The following FBXO34 variants were observed in gnomAD, a reference collection of about 807,000 sequenced individuals.
FBXO34 encodes F-box protein 34.
In FBXO34, 12 loss-of-function variants were observed where a neutral mutation model predicts 24.5. That is an observed-to-expected ratio of 0.49 (90% confidence interval 0.31 to 0.79). The LOEUF is 0.79. Among genes scored for constraint, FBXO34 ranks in the 30% least tolerant of loss-of-function variants. FBXO34 has a pLI of 0.04. For synonymous variants in FBXO34, 320 were observed against 311.9 expected (o/e 1.03, Z -0.27); for missense variants, 823 against 857.7 (o/e 0.96, Z 0.51).
chr14:55,299,318 TCTCA>T (rs1882259533), intron 1 of FBXO34: 28 of 538,466 alleles, frequency 5.2e-5, no homozygotes, highest in South Asian at 4.6e-4. Context: ...CGCTCTCGAC[TCTCA>T]CTCCAAAGCA....
At chr14:55,377,029 G>A in the FBXO34 span, among the ~76,000 whole-genome samples, 1 of 152,258 alleles carries the variant, frequency 6.6e-6, no homozygotes, top group Admixed American at 6.5e-5. Context: ...TCCAACAAAT[G>A]GTGATCAGAT....
At chr14:55,361,245 TCTC>T (rs1412366354) in intron 3 of FBXO34, among the ~76,000 whole-genome samples, 1 of 152,226 alleles carries the variant, frequency 6.6e-6, no homozygotes, top group Admixed American at 6.5e-5. Context: ...AAAACATTAA[TCTC>T]CTTGTATATC....
chr14:55,426,631 G>A, the FBXO34 span, among the ~76,000 whole-genome samples: 8 of 151,870 alleles, frequency 5.3e-5, no homozygotes, highest in South Asian at 2.1e-4. Context: ...GCTGACAGCC[G>A]AATGGAGAGG....
At chr14:55,415,084 ACTCAT>A in the FBXO34 span, among the ~76,000 whole-genome samples, 1 of 152,216 alleles carries the variant, frequency 6.6e-6, no homozygotes. Flanking sequence ...ATTAGTCCCT[ACTCAT>A]CTCTCACCAA....
At chr14:55,345,568 T>C (rs768120481) in intron 1 of FBXO34, among the ~76,000 whole-genome samples, 13 of 152,168 alleles carry the variant, frequency 8.5e-5, no homozygotes, top group Non-Finnish European at 1.6e-4. Context: ...CCCCATGGGC[T>C]CTCACAGCAC....
chr14:55,412,307 A>G, the FBXO34 span, among the ~76,000 whole-genome samples: 1 of 152,170 alleles, frequency 6.6e-6, no homozygotes. Flanking sequence ...AAGTTCCTTA[A>G]TCTCTCTGCG....
intron 1 of FBXO34, among the ~76,000 whole-genome samples, chr14:55,330,895 T>G (rs1351753354): frequency 6.6e-6 from 1 of 152,238 alleles, no homozygotes; most frequent in Non-Finnish European, 1.5e-5. Flanking sequence ...AGCTAGAACA[T>G]AACCTTTTCT....
chr14:55,357,987 G>A (rs1054492022), downstream of FBXO34, among the ~76,000 whole-genome samples: 1 of 152,166 alleles, frequency 6.6e-6, no homozygotes, highest in Non-Finnish European at 1.5e-5. Flanking sequence ...TTTGCAGTCT[G>A]GTTCAAGGGT....
intron 1 of FBXO34, among the ~76,000 whole-genome samples, chr14:55,334,740 C>T (rs1025345194): frequency 6.6e-6 from 1 of 152,108 alleles, no homozygotes; most frequent in Non-Finnish European, 1.5e-5. Flanking sequence ...TGGAGCTTTC[C>T]CCAAAATCCT....
At chr14:55,326,872 A>G (rs1342346803) in intron 1 of FBXO34, among the ~76,000 whole-genome samples, 1 of 152,200 alleles carries the variant, frequency 6.6e-6, no homozygotes, top group Admixed American at 6.5e-5. Flanking sequence ...TTTACTTCCT[A>G]AAACAGCTGG....
the FBXO34 span, chr14:55,386,083 A>G: frequency 6.2e-7 from 1 of 1,610,144 alleles, no homozygotes. Context: ...TGGTTTTGAG[A>G]AGGCCTTCAG....
At chr14:55,272,574 T>C (rs1881191802) in intron 1 of FBXO34, among the ~76,000 whole-genome samples, 2 of 151,940 alleles carry the variant, frequency 1.3e-5, no homozygotes, top group African/African-American at 4.8e-5. Context: ...TTAGCATTTT[T>C]TGTTAGAAAA....
chr14:55,395,425 T>G, the FBXO34 span, among the ~76,000 whole-genome samples: 1 of 152,246 alleles, frequency 6.6e-6, no homozygotes, highest in South Asian at 2.1e-4. Context: ...CGATCTTGGC[T>G]CACTATAGCC....
At chr14:55,390,938 A>C in the FBXO34 span, 1 of 1,604,134 alleles carries the variant, frequency 6.2e-7, no homozygotes, top group Non-Finnish European at 8.5e-7. Context: ...TTTCCTTTAC[A>C]TATTGTTTGT....
chr14:55,339,370 A>G (rs1883906250), intron 1 of FBXO34: 1 of 123,054 alleles, frequency 8.1e-6, no homozygotes, highest in Non-Finnish European at 1.6e-5. Context: ...CTGCTCCTTT[A>G]ATCACCTGCC....
the FBXO34 span, chr14:55,386,176 C>G: frequency 8.3e-7 from 1 of 1,207,538 alleles, no homozygotes; most frequent in Non-Finnish European, 1.2e-6. Context: ...CACAAACATG[C>G]GTGTTTTCCC....
the FBXO34 span, among the ~76,000 whole-genome samples, chr14:55,381,403 G>A: frequency 1.3e-5 from 2 of 152,258 alleles, no homozygotes; most frequent in African/African-American, 2.4e-5. Flanking sequence ...ATAAATATGG[G>A]TCTAAACGGG....
the FBXO34 span, among the ~76,000 whole-genome samples, chr14:55,434,936 C>T: frequency 6.6e-6 from 1 of 152,168 alleles, no homozygotes; most frequent in African/African-American, 2.4e-5. Flanking sequence ...CTTTGTACTC[C>T]TAAGTACAGA....
At chr14:55,325,368 A>G (rs1233639005) in intron 1 of FBXO34, among the ~76,000 whole-genome samples, 1 of 152,194 alleles carries the variant, frequency 6.6e-6, no homozygotes, top group African/African-American at 2.4e-5. Context: ...TCTGTTCTGA[A>G]AGATCTGCAG....
Sources: allele counts gnomAD v4.1 joint callset (sites outside exome capture counted in the v4.1 genomes callset), GRCh38; gene constraint gnomAD v4.1.1; transcripts MANE v1.5; gene names NCBI Gene and HGNC (gene_info 2026-07-23, HGNC 2026-07-21).